The following PARN variants were observed in gnomAD, a reference collection of about 807,000 sequenced individuals.
PARN encodes poly(A)-specific ribonuclease PARN.
In PARN, 71 loss-of-function variants were observed where a neutral mutation model predicts 102.8. That is an observed-to-expected ratio of 0.69 (90% CI 0.57 to 0.84). The LOEUF (loss-of-function observed/expected upper bound fraction) is 0.84, where lower values mean the gene tolerates loss of function less well. Among genes scored for constraint, PARN ranks in the 40% least tolerant of loss-of-function variants. PARN has a pLI of 0.00. For synonymous variants in PARN, 261 were observed against 252.9 expected, an observed-to-expected ratio of 1.03 and a Z score of -0.30; for missense variants, 782 against 760.9, an observed-to-expected ratio of 1.03 and a Z score of -0.33.
At chr16:14,466,885 A>T (rs1201056302) in intron 22 of PARN, among the ~76,000 whole-genome samples, 1 of 152,048 alleles carries the variant, frequency 6.6e-6, no homozygotes, top group African/African-American at 2.4e-5. Flanking sequence ...ACCCACTAAC[A>T]CTAATTTGAG....
intron 21 of PARN, among the ~76,000 whole-genome samples, chr16:14,484,347 GGC>G (rs1446361887): frequency 4.6e-5 from 7 of 152,100 alleles, no homozygotes; most frequent in Non-Finnish European, 8.8e-5. Flanking sequence ...TGCTACTTCT[GGC>G]TTCCAGTTTA....
At chr16:14,608,674 CTT>C (rs771855361) in intron 8 of PARN, among the ~76,000 whole-genome samples, 10 of 152,318 alleles carry the variant, frequency 6.6e-5, no homozygotes, top group Non-Finnish European at 1.2e-4. Flanking sequence ...GTTACTGACT[CTT>C]TGAAATGCTA....
At chr16:14,511,652 G>A (rs537391090) in intron 21 of PARN, among the ~76,000 whole-genome samples, 3 of 152,178 alleles carry the variant, frequency 2.0e-5, no homozygotes, top group African/African-American at 7.2e-5. Flanking sequence ...AGAGATCCAT[G>A]TATACCCGAA....
chr16:14,509,719 C>T (rs1364469799), intron 21 of PARN, among the ~76,000 whole-genome samples: 4 of 152,188 alleles, frequency 2.6e-5, no homozygotes, highest in Admixed American at 1.3e-4. Flanking sequence ...TAAACAAGTA[C>T]TGGGGCAAAG....
At chr16:14,448,238 T>A (rs1961291408) in intron 22 of PARN, among the ~76,000 whole-genome samples, 1 of 151,808 alleles carries the variant, frequency 6.6e-6, no homozygotes, top group Non-Finnish European at 1.5e-5. Context: ...AACCTCCGCC[T>A]CCCGGGTTCA....
intron 22 of PARN, among the ~76,000 whole-genome samples, chr16:14,468,948 T>C (rs1330294551): frequency 6.6e-6 from 1 of 150,524 alleles, no homozygotes; most frequent in African/African-American, 2.4e-5. Flanking sequence ...GATAAAACAT[T>C]TGAAACACTA....
In PARN at chr16:14,580,957, G is replaced by C; in HGVS notation, c.1193-14C>G. The C allele has an allele frequency of 1.3e-6, 2 of 1,558,796 alleles. No individual in the cohort carries two copies. Among genetic ancestry groups the C allele is most frequent in the African/African-American group, 1.4e-5 (1 of 73,970 alleles). On this transcript the variant is annotated splice_polypyrimidine_tract_variant and intron_variant, in intron 17 of 23. Coordinates refer to ENST00000437198, the MANE Select transcript of PARN (RefSeq NM_002582.4). ...TGAGAAAAGAACCTAATGAAGAAAA[G>C]AAGAGAGGTATTATTATTCATAGTC...
chr16:14,542,146 A>T (rs1966845080), intron 21 of PARN, among the ~76,000 whole-genome samples: 1 of 151,988 alleles, frequency 6.6e-6, no homozygotes, highest in African/African-American at 2.4e-5. Flanking sequence ...CTGGGACTAC[A>T]GGTACATGCC....
chr16:14,576,195 A>G (rs1457371961), intron 18 of PARN: 1 of 152,276 alleles, frequency 6.6e-6, no homozygotes, highest in Non-Finnish European at 1.5e-5. Context: ...GTCCAAGAGC[A>G]TATCATTCCT....
intron 18 of PARN, among the ~76,000 whole-genome samples, chr16:14,577,305 T>A (rs1460834286): frequency 1.3e-5 from 2 of 152,110 alleles, no homozygotes; most frequent in Non-Finnish European, 2.9e-5. Flanking sequence ...ATGACAAAAA[T>A]CAAGGTTTAA....
At chr16:14,472,688 G>C (rs1962816931) in intron 22 of PARN, among the ~76,000 whole-genome samples, 1 of 152,318 alleles carries the variant, frequency 6.6e-6, no homozygotes, top group African/African-American at 2.4e-5. Flanking sequence ...AAAGTTCTGA[G>C]AGAAAACAGT....
intron 5 of PARN, among the ~76,000 whole-genome samples, chr16:14,618,252 C>A (rs1972051025): frequency 6.6e-6 from 1 of 152,050 alleles, no homozygotes; most frequent in African/African-American, 2.4e-5. Context: ...CTTTGGGAGG[C>A]CAAGGCGGGT....
chr16:14,496,132 C>G (rs534969759), intron 21 of PARN, among the ~76,000 whole-genome samples: 13 of 152,312 alleles, frequency 8.5e-5, no homozygotes, highest in Admixed American at 7.2e-4. Context: ...AAACAGGGGC[C>G]GAGAGAGGTT....
chr16:14,620,997 G>A (rs549509113), intron 5 of PARN, among the ~76,000 whole-genome samples: 5 of 152,116 alleles, frequency 3.3e-5, no homozygotes, highest in African/African-American at 1.2e-4. Flanking sequence ...AAAACAAATC[G>A]TTTTGAAATG....
intron 22 of PARN, among the ~76,000 whole-genome samples, chr16:14,468,403 G>C (rs1403776064): frequency 6.6e-6 from 1 of 152,100 alleles, no homozygotes. Flanking sequence ...TTTTAGAGAA[G>C]ACACTGATGT....
intron 6 of PARN, among the ~76,000 whole-genome samples, chr16:14,611,654 T>C (rs1350034556): frequency 2.0e-5 from 3 of 152,070 alleles, no homozygotes; most frequent in African/African-American, 7.2e-5. Context: ...AATTCTTCTG[T>C]CTCAGCCTCC....
intron 23 of PARN, among the ~76,000 whole-genome samples, chr16:14,438,656 CA>C (rs1185030612): frequency 6.6e-6 from 1 of 152,206 alleles, no homozygotes; most frequent in Non-Finnish European, 1.5e-5. Context: ...TTCTGTGATA[CA>C]GCAAAGTTGC....
In PARN at chr16:14,629,598, T is replaced by C. The variant is rs886948811; in HGVS notation, c.96A>G (p.Ser32=). ...CCTGAGCTTGCAAGGGAGGGATACC[T>C]GAAAACTCCCCATCGATGGCGAAGA... ...ADFFAIDGEF[S]GISDGPSVSA... The change falls in exon 2 of 24, where the codon TCA becomes TCG. Residue 32 remains serine, a splice_region_variant and synonymous_variant. Coordinates refer to ENST00000437198, the MANE Select transcript of PARN (RefSeq NM_002582.4). The C allele has an allele frequency of 1.2e-6, 2 of 1,609,696 alleles. No individual in the cohort carries two copies.
chr16:14,557,536 G>A (rs945902685), intron 18 of PARN, among the ~76,000 whole-genome samples: 5 of 123,754 alleles, frequency 4.0e-5, no homozygotes, highest in Admixed American at 2.9e-4. Flanking sequence ...TAGCCTGGGC[G>A]ACAAGAGCAA....
Sources: gnomAD v4.1 joint callset for allele counts (sites outside exome capture counted in the v4.1 genomes callset) on GRCh38, gnomAD v4.1.1 for gene constraint, MANE v1.5 for transcripts, NCBI Gene and HGNC (gene_info 2026-07-23, HGNC 2026-07-21) for gene names.